ME2: variants seen among roughly 807,000 people sequenced by gnomAD.
The protein encoded by ME2 is malic enzyme 2, also known as NAD-dependent malic enzyme, mitochondrial.
A neutral mutation model predicts 73.7 loss-of-function variants in ME2; 60 were observed. That is an observed-to-expected ratio of 0.81 (90% CI 0.66 to 1.01). The LOEUF is 1.01. ME2 is among the 50% of genes least tolerant of loss of function. ME2 has a pLI of 0.00. For missense variants in ME2, 594 were observed against 705.5 expected, an observed-to-expected ratio of 0.84 and a Z score of 1.79; for synonymous variants, 199 against 236.9, an observed-to-expected ratio of 0.84 and a Z score of 1.47.
chr18:50,930,110 A>G (rs1189259137), intron 12 of ME2, among the ~76,000 whole-genome samples: 1 of 152,130 alleles, frequency 6.6e-6, no homozygotes, highest in African/African-American at 2.4e-5. Context: ...AAATTTAAAA[A>G]TTAGCCAAGC....
At chr18:50,891,259 T>C (rs1916599064) in intron 1 of ME2, among the ~76,000 whole-genome samples, 1 of 152,216 alleles carries the variant, frequency 6.6e-6, no homozygotes, top group Admixed American at 6.5e-5. Context: ...TTTAAGCTTT[T>C]TCAAGAGGGA....
chr18:50,938,258 G>T (rs898268310), intron 13 of ME2, among the ~76,000 whole-genome samples: 1 of 152,176 alleles, frequency 6.6e-6, no homozygotes, highest in South Asian at 2.1e-4. Flanking sequence ...AGTCCAGGGA[G>T]GTTGAGGTTG....
chr18:50,922,938 G>A (rs2144241728), intron 10 of ME2, among the ~76,000 whole-genome samples: 1 of 152,290 alleles, frequency 6.6e-6, no homozygotes, highest in East Asian at 1.9e-4. Context: ...TTTTTCAGAA[G>A]TCTTCTTTTT....
intron 11 of ME2, among the ~76,000 whole-genome samples, chr18:50,924,597 T>C (rs1359294984): frequency 6.6e-6 from 1 of 150,858 alleles, no homozygotes; most frequent in African/African-American, 2.5e-5. Context: ...GCCATCAGAC[T>C]ATGTCATCAT....
chr18:50,902,489 C>T (rs1916915045), intron 2 of ME2, among the ~76,000 whole-genome samples: 1 of 152,216 alleles, frequency 6.6e-6, no homozygotes, highest in South Asian at 2.1e-4. Flanking sequence ...TCCTCCGCTC[C>T]CAGGTTCAAG....
chr18:50,895,877 G>A lies in ME2; in HGVS notation c.57G>A (p.Leu19=). The change falls in exon 2 of 16, where the codon TTG becomes TTA. Residue 19 remains leucine, a synonymous_variant. Transcript: ENST00000321341. ...CTTGTACTTTGGCATGTCGACATTT[G>A]CACATAAAAGAAAAAGGCAAGCCAC... The part of the protein sequence containing the change: ...STTCTLACRH[L]HIKEKGKPLM... 5.0e-6 allele frequency: 8 copies of A among 1,613,748 alleles called. No homozygotes were observed. The highest frequency in any genetic ancestry group is 6.8e-6 in the Non-Finnish European group (8 of 1,179,928).
At chr18:50,926,348 A>G (rs188146101) in intron 12 of ME2, among the ~76,000 whole-genome samples, 3 of 152,158 alleles carry the variant, frequency 2.0e-5, no homozygotes, top group Non-Finnish European at 4.4e-5. Context: ...TTCACTCTGC[A>G]TAGACGTAAA....
rs1918242799 is a variant in ME2 at position 50,952,292 on chromosome 18, C to T, written c.*5108C>T. The stretch of plus-strand genomic sequence containing the variant: ...AAAAAAATAAAGCAGTGTTTTATTT[C>T]AAATTTCAGTAAGTTCAGGTGGGCC... On this transcript the variant is annotated 3_prime_UTR_variant, in exon 16 of 16. Transcript: ENST00000321341. The T allele has an allele frequency of 6.6e-6, 1 of 152,096 alleles. No individual in the cohort carries two copies. The highest frequency in any genetic ancestry group is 2.1e-4 in the South Asian group (1 of 4,820). 9.4% of individuals were successfully genotyped at this position (152,096 alleles called of 1,614,324 possible).
At chr18:50,927,751 T>TATATAC (rs1316314513) in intron 12 of ME2, among the ~76,000 whole-genome samples, 6,003 of 122,830 alleles carry the variant, frequency 0.049, 204 homozygotes, top group African/African-American at 0.077. Flanking sequence ...TATATATATA[T>TATATAC]ACACACCACA....
In ME2 at chr18:50,944,910, C is replaced by T. The variant is rs796353676; in HGVS notation, c.1588-2107C>T. ...CTTCAGAACACCTCCCACTGCCCCT[C>T]ACATCAGGCAGGCCACGTGTTCAGC... On this transcript the variant is annotated intron_variant, in intron 15 of 15. Transcript: ENST00000321341. 2.6e-5 allele frequency among the ~76,000 whole-genome samples: 4 copies of T among 152,068 alleles called. No individual in the cohort carries two copies. The South Asian group carries it at 8.3e-4, about 32-fold the overall frequency.
At chr18:50,890,415 C>G (rs538100587) in intron 1 of ME2, among the ~76,000 whole-genome samples, 32 of 152,132 alleles carry the variant, frequency 2.1e-4, no homozygotes, top group Non-Finnish European at 3.8e-4. Flanking sequence ...TGCAGGGCCT[C>G]AATGTATTAT....
chr18:50,927,198 G>A (rs1917572718), intron 12 of ME2, among the ~76,000 whole-genome samples: 1 of 152,030 alleles, frequency 6.6e-6, no homozygotes, highest in African/African-American at 2.4e-5. Flanking sequence ...TTTCTATATT[G>A]TTGTGGTAAG....
At chr18:50,926,920 A>T (rs113032483) in intron 12 of ME2, among the ~76,000 whole-genome samples, 2 of 152,166 alleles carry the variant, frequency 1.3e-5, no homozygotes, top group African/African-American at 4.8e-5. Context: ...GCTTTCTTGT[A>T]CTCACATTTC....
rs1231578404 is a variant in ME2 at position 50,954,108 on chromosome 18, C to T, written c.*6924C>T. The T allele has an allele frequency of 1.3e-5, 2 of 152,192 alleles. No homozygotes were observed. The highest frequency in any genetic ancestry group is 2.9e-5 in the Non-Finnish European group (2 of 68,042). 9.4% of individuals were successfully genotyped at this position (152,192 alleles called of 1,614,324 possible). On this transcript the variant is annotated 3_prime_UTR_variant, in exon 16 of 16. Coordinates refer to ENST00000321341, the MANE Select transcript of ME2 (RefSeq NM_002396.5). ...TTTAAGAGGAATGCCTTGTATAGAA[C>T]ATATTATACCAGATTGACTTGTTAA...
chr18:50,910,482 T>C (rs1483652976), intron 3 of ME2, among the ~76,000 whole-genome samples: 1 of 150,674 alleles, frequency 6.6e-6, no homozygotes, highest in Non-Finnish European at 1.5e-5. Context: ...AAGAGCAGGT[T>C]AAAGGGGTGA....
intron 5 of ME2, chr18:50,916,905 G>C (rs1002714842): frequency 6.6e-6 from 1 of 152,658 alleles, no homozygotes; most frequent in Non-Finnish European, 1.5e-5. Context: ...CTTATAAGTA[G>C]GTATTTTTTT....
At chr18:50,902,793 A>G (rs1916923957) in intron 2 of ME2, among the ~76,000 whole-genome samples, 1 of 152,236 alleles carries the variant, frequency 6.6e-6, no homozygotes, top group African/African-American at 2.4e-5. Flanking sequence ...ACCACTGGGA[A>G]AAGTATACTA....
chr18:50,880,378 A>T (rs182772034), intron 1 of ME2, among the ~76,000 whole-genome samples: 3 of 152,218 alleles, frequency 2.0e-5, no homozygotes, highest in Non-Finnish European at 2.9e-5. Context: ...TTAAACGTGT[A>T]TACTCCTTAA....
At chr18:50,933,664 A>T (rs1040879258) in intron 13 of ME2, 2 of 152,082 alleles carry the variant, frequency 1.3e-5, no homozygotes, top group Non-Finnish European at 2.9e-5. Context: ...CTATTTTTTT[A>T]AACTTTTTTT....
Sources: allele counts gnomAD v4.1 joint callset (sites outside exome capture counted in the v4.1 genomes callset), GRCh38; gene constraint gnomAD v4.1.1; transcripts MANE v1.5; gene names NCBI Gene and HGNC (gene_info 2026-07-23, HGNC 2026-07-21).